Variants in R3HDML observed in about 807,000 individuals in gnomAD.
R3HDML encodes the protein R3H domain containing like.
Under a neutral mutation model 24.2 loss-of-function variants are expected in R3HDML, and 21 were observed. That is an observed-to-expected ratio of 0.87 (90% confidence interval 0.62 to 1.25). The LOEUF (loss-of-function observed/expected upper bound fraction) is 1.25, where lower values mean the gene tolerates loss of function less well. Among genes scored for constraint, R3HDML ranks in the 50% most tolerant of loss-of-function variants. R3HDML has a pLI of 0.00. For missense variants in R3HDML, 301 were observed against 340.3 expected, an observed-to-expected ratio of 0.88 and a Z score of 0.91; for synonymous variants, 133 against 131.5, an observed-to-expected ratio of 1.01 and a Z score of -0.08.
In R3HDML at chr20:44,343,815, C is replaced by T. The variant is rs76795006; in HGVS notation, c.513+306C>T. Among the ~76,000 whole-genome samples the T allele has an allele frequency of 7.2e-3, 1,100 of 151,790 alleles. 13 individuals carry two copies. Among genetic ancestry groups the T allele is most frequent in the African/African-American group, 0.025 (1,014 of 41,352 alleles). On this transcript the variant is annotated intron_variant, in intron 3 of 4. Transcript: ENST00000217043. ...GGTTCAAGTGAAACTCTGTCCCCCC[C>T]GCAAAAAATTAAAAGTTATATATAT...
Position 44,345,245 on chromosome 20 carries a change from G to C in R3HDML, c.514-18G>C. ...CTGAGCCCTTCTCATAGCCCCCTCTGTCTCTGTCCTTCACCAGATGGTGTG... is the reference window on the plus strand; with the variant it reads ...CTGAGCCCTTCTCATAGCCCCCTCTCTCTCTGTCCTTCACCAGATGGTGTG... On this transcript the variant is annotated intron_variant, in intron 3 of 4. Coordinates refer to ENST00000217043, the MANE Select transcript of R3HDML (RefSeq NM_178491.4). 1 of 1,606,898 alleles carries C rather than the reference G, an allele frequency of 6.2e-7. No individual in the cohort carries two copies. Among genetic ancestry groups the C allele is most frequent in the African/African-American group, 1.3e-5 (1 of 74,924 alleles).
intron 1 of R3HDML, among the ~76,000 whole-genome samples, chr20:44,340,116 G>A (rs956207982): frequency 4.6e-5 from 7 of 151,686 alleles, no homozygotes; most frequent in East Asian, 1.9e-4. Flanking sequence ...CACCACACCC[G>A]GCTAATTTTT....
rs146968536 is a variant in R3HDML at position 44,337,323 on chromosome 20, C to T, written c.166C>T (p.Arg56Cys). 10 of 1,614,222 alleles carry T rather than the reference C, an allele frequency of 6.2e-6. No homozygotes were observed. Among genetic ancestry groups the T allele is most frequent in the South Asian group, 3.3e-5 (3 of 91,088 alleles). ...GLEVPRYRRK[R>C]HISVRDMNAL... Reference sequence around the variant, plus strand: ...GGAGGTGCCCAGGTACCGCCGGAAGCGCCACATCTCTGTGAGAGACATGAA... The same window carrying T: ...GGAGGTGCCCAGGTACCGCCGGAAGTGCCACATCTCTGTGAGAGACATGAA... The change falls in exon 1 of 5, where the codon CGC (arginine) becomes TGC (cysteine). Residue 56 changes from arginine (R) to cysteine (C), a missense_variant. Physicochemically the swap from Arg to Cys is radical, Grantham distance 180 (BLOSUM62 -3). Coordinates refer to ENST00000217043, the MANE Select transcript of R3HDML (RefSeq NM_178491.4). The surrounding 1 kb of genome is among the most constrained non-coding windows in gnomAD (Gnocchi z 4.7).
At chr20:44,350,024 C>T (rs943907003) in intron 4 of R3HDML, among the ~76,000 whole-genome samples, 2 of 151,958 alleles carry the variant, frequency 1.3e-5, no homozygotes, top group South Asian at 2.1e-4. Flanking sequence ...GAGCCAAGAT[C>T]GCACCATTGC....
intron 3 of R3HDML, 54 bp from the exon 4 acceptor site, chr20:44,345,209 C>G: frequency 7.1e-7 from 1 of 1,414,802 alleles, no homozygotes; most frequent in Non-Finnish European, 1.0e-6. Context: ...CCCCAGGGAG[C>G]CTGGGTCCCA....
In R3HDML at chr20:44,341,959, A is replaced by G. The variant is rs572982424; in HGVS notation, c.380+645A>G. On this transcript the variant is annotated intron_variant, in intron 2 of 4. Coordinates refer to ENST00000217043, the MANE Select transcript of R3HDML (RefSeq NM_178491.4). ...AATAAAGATAAGTCTGAGAATGGCA[A>G]ACCCACCCTTCTGGCCTGACCTTCT... Among the ~76,000 whole-genome samples, 24 of 152,284 alleles carry G rather than the reference A, an allele frequency of 1.6e-4. No individual in the cohort carries two copies. The South Asian group carries it at 5.0e-3, about 32-fold the overall frequency.
At chr20:44,350,637 C>G (rs1388738562) in intron 4 of R3HDML, 23 bp from the exon 5 acceptor site, 1 of 1,609,848 alleles carries the variant, frequency 6.2e-7, no homozygotes, top group African/African-American at 1.3e-5. Flanking sequence ...TCCTCTGTCT[C>G]CCTGGGTCCT....
In R3HDML at chr20:44,339,626, T is replaced by C. The variant is rs975936056; in HGVS notation, c.262-1570T>C. ...GTGTGTCTGTGTGTGTGTGTATATATAGAGAGCTGCTTGTACAGGTATAGA... is the reference window on the plus strand; with the variant it reads ...GTGTGTCTGTGTGTGTGTGTATATACAGAGAGCTGCTTGTACAGGTATAGA... On this transcript the variant is annotated intron_variant, in intron 1 of 4. Transcript: ENST00000217043. Among the ~76,000 whole-genome samples the C allele has an allele frequency of 2.0e-5, 3 of 151,502 alleles. No homozygotes were observed. The East Asian group carries it at 5.8e-4, about 29-fold the overall frequency.
At position 44,337,435 on chromosome 20, in the gene R3HDML, GCCCCCCACC is replaced by G; in HGVS notation, c.261+22_261+30del. 1.2e-6 allele frequency: 2 copies of G among 1,603,218 alleles called. No individual in the cohort carries two copies. Among genetic ancestry groups the G allele is most frequent in the Middle Eastern group, 3.3e-4 (2 of 6,022 alleles). ...GAATACATGGTGAGTCCCCGTACCT[GCCCCCCACC>G]CCCCGCAGTGTCCCTTCCGGCAAAC... On this transcript the variant is annotated intron_variant, in intron 1 of 4. Coordinates refer to ENST00000217043, the MANE Select transcript of R3HDML (RefSeq NM_178491.4). The surrounding 1 kb of genome is among the most constrained non-coding windows in gnomAD (Gnocchi z 4.7).
At chr20:44,346,830 G>A (rs888822483) in intron 4 of R3HDML, among the ~76,000 whole-genome samples, 15 of 152,194 alleles carry the variant, frequency 9.9e-5, no homozygotes, top group African/African-American at 3.1e-4. Flanking sequence ...ACTTGCAGAC[G>A]TTCCAGATTC....
chr20:44,343,699 G>C (rs2062778396), intron 3 of R3HDML, among the ~76,000 whole-genome samples, 190 bp downstream of exon 3: 1 of 152,068 alleles, frequency 6.6e-6, no homozygotes, highest in Admixed American at 6.5e-5. Context: ...TTTGTTTTTT[G>C]TTTGTTTGTT....
At chr20:44,343,783 C>T (rs2062778620) in intron 3 of R3HDML, among the ~76,000 whole-genome samples, 1 of 148,496 alleles carries the variant, frequency 6.7e-6, no homozygotes, top group African/African-American at 2.5e-5. Flanking sequence ...GTAACCTCTA[C>T]CTCCCAGGTT....
intron 4 of R3HDML, 78 bp downstream of exon 4, chr20:44,345,456 A>G (rs1262466866): frequency 3.1e-6 from 3 of 966,240 alleles, no homozygotes; most frequent in East Asian, 2.4e-5. Context: ...GATACGCTCC[A>G]TATCCCTTCT....
intron 4 of R3HDML, among the ~76,000 whole-genome samples, chr20:44,348,603 C>T (rs1460681219): frequency 1.3e-5 from 2 of 152,078 alleles, no homozygotes; most frequent in Non-Finnish European, 2.9e-5. Flanking sequence ...CTGGTTCGAG[C>T]AATCCTCACA....
rs1387955845 is a variant in R3HDML at position 44,337,574 on chromosome 20, C to T, written c.261+156C>T. On this transcript the variant is annotated intron_variant, in intron 1 of 4. Coordinates refer to ENST00000217043, the MANE Select transcript of R3HDML (RefSeq NM_178491.4). This position sits in a 1 kb window ranked among gnomAD's most constrained non-coding sequence, Gnocchi z 4.7. ...TCTGGGTGTCGACCTGTGGAAAGGGCAGGAGTTAATCTGCCCATTTTACAG... is the reference window on the plus strand; with the variant it reads ...TCTGGGTGTCGACCTGTGGAAAGGGTAGGAGTTAATCTGCCCATTTTACAG... 2.0e-5 allele frequency among the ~76,000 whole-genome samples: 3 copies of T among 152,166 alleles called. No individual in the cohort carries two copies. Among genetic ancestry groups the T allele is most frequent in the Non-Finnish European group, 4.4e-5 (3 of 68,038 alleles).
chr20:44,344,333 G>A (rs142002736), intron 3 of R3HDML, among the ~76,000 whole-genome samples: 6 of 151,000 alleles, frequency 4.0e-5, no homozygotes, highest in South Asian at 2.1e-4. Context: ...TCCCAGCTAC[G>A]TGGGAGGCTG....
chr20:44,339,824 G>A (rs1252267014), intron 1 of R3HDML, among the ~76,000 whole-genome samples: 4 of 152,020 alleles, frequency 2.6e-5, no homozygotes, highest in African/African-American at 9.7e-5. Context: ...TGTTGCCCAA[G>A]CTGGAGTGCA....
intron 1 of R3HDML, among the ~76,000 whole-genome samples, chr20:44,339,248 A>T (rs1014257613): frequency 1.3e-5 from 2 of 151,544 alleles, no homozygotes; most frequent in African/African-American, 4.9e-5. Context: ...CCCATTTCTC[A>T]CTCTCACACC....
At chr20:44,350,186 A>G (rs1427949667) in intron 4 of R3HDML, among the ~76,000 whole-genome samples, 1 of 152,076 alleles carries the variant, frequency 6.6e-6, no homozygotes, top group Non-Finnish European at 1.5e-5. Context: ...CCTTAGAGAG[A>G]GAGGAGGCTC....
Sources: allele counts gnomAD v4.1 joint callset (sites outside exome capture counted in the v4.1 genomes callset), GRCh38; gene constraint gnomAD v4.1.1; non-coding constraint Gnocchi (gnomAD v3.1); transcripts MANE v1.5; gene names NCBI Gene and HGNC (gene_info 2026-07-23, HGNC 2026-07-21).